BMP10: variants seen among roughly 807,000 people sequenced by gnomAD.
BMP10 encodes bone morphogenetic protein 10.
A neutral mutation model predicts 29.9 loss-of-function variants in BMP10; 9 were observed. That is an observed-to-expected ratio of 0.30 (90% CI 0.18 to 0.53). The LOEUF (loss-of-function observed/expected upper bound fraction) is 0.53, where lower values mean the gene tolerates loss of function less well. Among genes scored for constraint, BMP10 ranks in the 20% least tolerant of loss-of-function variants. The probability of loss-of-function intolerance (pLI) is 0.96; values close to 1 mark genes in which losing one functional copy is unlikely to be tolerated. For synonymous variants in BMP10, 202 were observed against 200.2 expected, an observed-to-expected ratio of 1.01 and a Z score of -0.07; for missense variants, 474 against 524.3, an observed-to-expected ratio of 0.90 and a Z score of 0.94.
rs549602307 is a variant in BMP10 at position 68,870,111 on chromosome 2, G to A, written c.334+914C>T. ...TCAAGAACATCTGGCCAATATTAAC[G>A]GGAAGCTTCTTTTATACCTGGTTAG... On this transcript the variant is annotated intron_variant, in intron 1 of 1. Coordinates refer to ENST00000295379, the MANE Select transcript of BMP10 (RefSeq NM_014482.3). 1.3e-3 allele frequency among the ~76,000 whole-genome samples: 202 copies of A among 152,136 alleles called. 1 individual carries two copies. Among genetic ancestry groups the A allele is most frequent in the Non-Finnish European group, 2.4e-3 (166 of 68,014 alleles).
intron 1 of BMP10, among the ~76,000 whole-genome samples, chr2:68,869,843 G>T (rs548543367): frequency 6.6e-6 from 1 of 152,318 alleles, no homozygotes; most frequent in East Asian, 1.9e-4. Flanking sequence ...CCAGTACCTA[G>T]AATATTAAGT....
Position 68,863,827 on chromosome 2 carries a change from G to T in BMP10, c.*1804C>A, listed in dbSNP as rs572023054. 6.6e-5 allele frequency among the ~76,000 whole-genome samples: 10 copies of T among 151,878 alleles called. No individual in the cohort carries two copies. In the South Asian group the frequency reaches 2.1e-3, roughly 32 times the overall value. ...TAAAAGGGGACTGATTGTTTTCCAG[G>T]GTAAAAAAAAGAAAAAAGTGTCAGA... On this transcript the variant is annotated 3_prime_UTR_variant, in exon 2 of 2. Coordinates refer to ENST00000295379, the MANE Select transcript of BMP10 (RefSeq NM_014482.3).
intron 1 of BMP10, among the ~76,000 whole-genome samples, chr2:68,867,927 A>G (rs943967344): frequency 1.3e-5 from 2 of 152,260 alleles, no homozygotes; most frequent in African/African-American, 2.4e-5. Flanking sequence ...CTAAAAATCC[A>G]TACTAAGAAA....
rs553008785 is a variant in BMP10, at chr2:68,862,145, T to C, written c.*3486A>G. Among the ~76,000 whole-genome samples the C allele has an allele frequency of 1.3e-5, 2 of 152,322 alleles. No homozygotes were observed. Among genetic ancestry groups the C allele is most frequent in the East Asian group, 3.9e-4 (2 of 5,194 alleles). On this transcript the variant is annotated 3_prime_UTR_variant, in exon 2 of 2. Transcript: ENST00000295379. The stretch of plus-strand genomic sequence containing the variant: ...ATCACTTTATGAAACTGCATGACAA[T>C]GTATTGGTTAAATATTTCCTGGAAC...
In BMP10 at chr2:68,861,798, T is replaced by TA. The variant is rs3833578; in HGVS notation, c.*3832dup. 1.7e-4 allele frequency among the ~76,000 whole-genome samples: 25 copies of TA among 149,150 alleles called. No individual in the cohort carries two copies. The highest frequency in any genetic ancestry group is 5.9e-4 in the East Asian group (3 of 5,122). ...TACTGAAACATTTAGTAACAGTTCT[T>TA]AAAAAAAAAAGGTTTTTGTCATTAA... On this transcript the variant is annotated 3_prime_UTR_variant, in exon 2 of 2. Coordinates refer to ENST00000295379, the MANE Select transcript of BMP10 (RefSeq NM_014482.3).
Position 68,871,209 on chromosome 2 carries a change from G to A in BMP10, c.150C>T (p.Asp50=), listed in dbSNP as rs139844302. Residue 50 remains aspartate, a synonymous_variant, in exon 1 of 2, where the codon GAC becomes GAT. Transcript: ENST00000295379. Reference sequence around the variant, plus strand: ...TCATGCTCTGGAGCAGTGTGTTAAAGTCGACACCGTCTTGCTCTGAGAAAA... The same window carrying A: ...TCATGCTCTGGAGCAGTGTGTTAAAATCGACACCGTCTTGCTCTGAGAAAA... The part of the protein sequence containing the change: ...GDVFSEQDGV[D]FNTLLQSMKD... The A allele has an allele frequency of 2.5e-6, 4 of 1,614,018 alleles. No individual in the cohort carries two copies. In the African/African-American group the frequency reaches 5.3e-5, roughly 22 times the overall value.
In BMP10 at chr2:68,864,022, T is replaced by C. The variant is rs760843776; in HGVS notation, c.*1609A>G. Among the ~76,000 whole-genome samples the C allele has an allele frequency of 1.3e-5, 2 of 152,106 alleles. No individual in the cohort carries two copies. The highest frequency in any genetic ancestry group is 4.8e-5 in the African/African-American group (2 of 41,414). The stretch of plus-strand genomic sequence containing the variant: ...GGTTCCTCCTGCACAAAGCCCAGAA[T>C]ATGCTTGCCAGGTAGAGGGAAATGG... On this transcript the variant is annotated 3_prime_UTR_variant, in exon 2 of 2. Coordinates refer to ENST00000295379, the MANE Select transcript of BMP10 (RefSeq NM_014482.3).
rs537354595 is a variant in BMP10, at chr2:68,865,848, C to T, written c.1058G>A (p.Arg353His). 7 of 1,614,050 alleles carry T rather than the reference C, an allele frequency of 4.3e-6. No individual in the cohort carries two copies. The highest frequency in any genetic ancestry group is 3.3e-5 in the South Asian group (3 of 91,080). Residue 353 changes from arginine to histidine, a missense_variant, in exon 2 of 2, where the codon CGT becomes CAT. Arg to His is a conservative substitution (Grantham distance 29). Coordinates refer to ENST00000295379, the MANE Select transcript of BMP10 (RefSeq NM_014482.3). This position sits in a 1 kb window ranked among gnomAD's most constrained non-coding sequence, Gnocchi z 4.7. The stretch of plus-strand genomic sequence containing the variant: ...TGCCAGGGGGTAGTTACAAACACCA[C>T]GGCATTCATAGGCTTCGTATCCAGG... ...APPGYEAYEC[R>H]GVCNYPLAEH...
At position 68,864,098 on chromosome 2, in the gene BMP10, C is replaced by T. The variant is rs1472119780; in HGVS notation, c.*1533G>A. ...ACCTGCCAGGAAAACCCACCGGACC[C>T]TTCCTGTGCAGAACACTTCCTCACC... is the stretch of plus-strand genomic sequence containing the variant. On this transcript the variant is annotated 3_prime_UTR_variant, in exon 2 of 2. Coordinates refer to ENST00000295379, the MANE Select transcript of BMP10 (RefSeq NM_014482.3). Among the ~76,000 whole-genome samples the T allele has an allele frequency of 2.0e-5, 3 of 152,172 alleles. No homozygotes were observed. The highest frequency in any genetic ancestry group is 4.4e-5 in the Non-Finnish European group (3 of 68,044).
At chr2:68,868,647 C>G (rs1683012503) in intron 1 of BMP10, among the ~76,000 whole-genome samples, 1 of 152,174 alleles carries the variant, frequency 6.6e-6, no homozygotes, top group Non-Finnish European at 1.5e-5. Context: ...TTGGGTTGGG[C>G]TTGGGAGTTA....
intron 1 of BMP10, 78 bp from the exon 2 acceptor site, chr2:68,866,649 G>C: frequency 9.0e-7 from 1 of 1,110,768 alleles, no homozygotes. Context: ...GTAATAAGAA[G>C]GCCTTCCCAT....
intron 1 of BMP10, among the ~76,000 whole-genome samples, chr2:68,868,928 T>C (rs1683020001): frequency 6.6e-6 from 1 of 152,244 alleles, no homozygotes; most frequent in Non-Finnish European, 1.5e-5. Context: ...TACATCAATA[T>C]TTTTATATGT....
intron 1 of BMP10, among the ~76,000 whole-genome samples, chr2:68,869,700 C>T (rs1449929694): frequency 6.6e-6 from 1 of 152,092 alleles, no homozygotes; most frequent in Non-Finnish European, 1.5e-5. Context: ...AGACTCACCT[C>T]CAAAAGCAAT....
intron 1 of BMP10, among the ~76,000 whole-genome samples, chr2:68,866,941 T>C (rs1171195591): frequency 6.6e-6 from 1 of 152,192 alleles, no homozygotes; most frequent in African/African-American, 2.4e-5. Flanking sequence ...CGCCACCAAA[T>C]GGGACATGTG....
chr2:68,862,439 C>T lies in BMP10; in HGVS notation c.*3192G>A, dbSNP rs1682875857. On this transcript the variant is annotated 3_prime_UTR_variant, in exon 2 of 2. Transcript: ENST00000295379. ...TAAAAATAAAATATTTGGTATTCTA[C>T]AATATTTTACAAAAATAAATATATC... Among the ~76,000 whole-genome samples the T allele has an allele frequency of 6.6e-6, 1 of 151,898 alleles. No homozygotes were observed. The highest frequency in any genetic ancestry group is 1.5e-5 in the Non-Finnish European group (1 of 68,022).
Position 68,863,300 on chromosome 2 carries a change from A to G in BMP10, c.*2331T>C, listed in dbSNP as rs985993256. ...TTCTCCCCCTGGATTGCTGGTTGTAAGGGTTTTACCAGCACACCACTGTCA... is the reference window on the plus strand; with the variant it reads ...TTCTCCCCCTGGATTGCTGGTTGTAGGGGTTTTACCAGCACACCACTGTCA... On this transcript the variant is annotated 3_prime_UTR_variant, in exon 2 of 2. Transcript: ENST00000295379. Among the ~76,000 whole-genome samples the G allele has an allele frequency of 1.3e-5, 2 of 152,226 alleles. No homozygotes were observed. The highest frequency in any genetic ancestry group is 4.8e-5 in the African/African-American group (2 of 41,466).
At position 68,865,790 on chromosome 2, in the gene BMP10, G is replaced by A; in HGVS notation, c.1116C>T (p.Ile372=). ...EHLTPTKHAI[I]QALVHLKNSQ... ...AATTCTTGAGGTGGACCAAGGCCTG[G>A]ATAATTGCATGCTTTGTGGGTGTGA... The change falls in exon 2 of 2, where the codon ATC becomes ATT. Residue 372 remains isoleucine (I), a synonymous_variant. Coordinates refer to ENST00000295379, the MANE Select transcript of BMP10 (RefSeq NM_014482.3). The surrounding 1 kb of genome is among the most constrained non-coding windows in gnomAD (Gnocchi z 4.7). 1 of 1,614,082 alleles carries A rather than the reference G, an allele frequency of 6.2e-7. No homozygotes were observed. Among genetic ancestry groups the A allele is most frequent in the African/African-American group, 1.3e-5 (1 of 75,004 alleles).
rs1257889328 is a variant in BMP10, at chr2:68,862,819, C to A, written c.*2812G>T. ...CTGACAAAAAGCCAAAAAAATACAA[C>A]TAGCAACATTTGAATAACAATATGT... On this transcript the variant is annotated 3_prime_UTR_variant, in exon 2 of 2. Coordinates refer to ENST00000295379, the MANE Select transcript of BMP10 (RefSeq NM_014482.3). Among the ~76,000 whole-genome samples, 4 of 152,202 alleles carry A rather than the reference C, an allele frequency of 2.6e-5. No homozygotes were observed. The highest frequency in any genetic ancestry group is 5.9e-5 in the Non-Finnish European group (4 of 68,030).
In BMP10 at chr2:68,866,765, C is replaced by A. The variant is rs552913124; in HGVS notation, c.335-194G>T. ...ATCCCAAAAGGTCAGTGGTAGAATG[C>A]CCAAAAGAGTTCAGCTGCCAAGACT... On this transcript the variant is annotated intron_variant, in intron 1 of 1. Coordinates refer to ENST00000295379, the MANE Select transcript of BMP10 (RefSeq NM_014482.3). Among the ~76,000 whole-genome samples the A allele has an allele frequency of 2.6e-5, 4 of 152,276 alleles. No individual in the cohort carries two copies. In the South Asian group the frequency reaches 6.2e-4, roughly 24 times the overall value.
Sources: allele counts gnomAD v4.1 joint callset (sites outside exome capture counted in the v4.1 genomes callset), GRCh38; gene constraint gnomAD v4.1.1; non-coding constraint Gnocchi (gnomAD v3.1); transcripts MANE v1.5; gene names NCBI Gene and HGNC (gene_info 2026-07-23, HGNC 2026-07-21).